Variants in ERBB4 observed in about 807,000 individuals in gnomAD.
The protein encoded by ERBB4 is erb-b2 receptor tyrosine kinase 4.
ERBB4 carries 42 observed loss-of-function variants against 158.0 expected under a neutral mutation model. That is an observed-to-expected ratio of 0.27 (90% CI 0.21 to 0.34). The LOEUF is 0.34. Among genes scored for constraint, ERBB4 ranks in the 10% least tolerant of loss-of-function variants. The probability of loss-of-function intolerance (pLI) is 1.00; values close to 1 mark genes in which losing one functional copy is unlikely to be tolerated. For missense variants in ERBB4, 1,333 were observed against 1,624.1 expected, an observed-to-expected ratio of 0.82 and a Z score of 3.08; for synonymous variants, 583 against 558.7, an observed-to-expected ratio of 1.04 and a Z score of -0.61.
chr2:211,792,338 T>C (rs1471394380), intron 3 of ERBB4, among the ~76,000 whole-genome samples: 2 of 151,646 alleles, frequency 1.3e-5, no homozygotes, highest in Admixed American at 6.6e-5. Flanking sequence ...CAATAAATAT[T>C]TGATTAATTG....
At position 211,658,405 on chromosome 2, in the gene ERBB4, T is replaced by C. The variant is rs574809690; in HGVS notation, c.1872-577A>G. 2.1e-4 allele frequency among the ~76,000 whole-genome samples: 32 copies of C among 152,292 alleles called. No homozygotes were observed. The South Asian group carries it at 6.4e-3, about 31-fold the overall frequency. On this transcript the variant is annotated intron_variant, in intron 15 of 27. Transcript: ENST00000342788. Reference sequence around the variant, plus strand: ...TAAAAAAAAAACAATAAGAAAACCATGAGCAATCCAATATCATATAATAAC... The same window carrying C: ...TAAAAAAAAAACAATAAGAAAACCACGAGCAATCCAATATCATATAATAAC...
chr2:212,124,862 G>A lies in ERBB4; in HGVS notation c.124C>T (p.Leu42=), dbSNP rs745619679. 6.2e-6 allele frequency: 10 copies of A among 1,614,030 alleles called. No homozygotes were observed. The highest frequency in any genetic ancestry group is 2.2e-5 in the East Asian group (1 of 44,894). Residue 42 remains leucine, a synonymous_variant, in exon 2 of 28, where the codon CTG becomes TTG. Coordinates refer to ENST00000342788, the MANE Select transcript of ERBB4 (RefSeq NM_005235.3). ...TENKLSSLSD[L]EQQYRALRKY... is the part of the protein sequence containing the mutation. ...CGCAAGGCTCGGTACTGCTGTTCCA[G>A]GTCAGAGAGAGAGCTCAGTTTATTC...
intron 1 of ERBB4, among the ~76,000 whole-genome samples, chr2:212,378,448 C>T (rs771333928): frequency 6.6e-5 from 10 of 151,816 alleles, no homozygotes; most frequent in Non-Finnish European, 1.5e-4. Flanking sequence ...CAATTATTAA[C>T]AGTGAGAAAT....
At chr2:212,500,071 T>C (rs1427427485) in intron 1 of ERBB4, among the ~76,000 whole-genome samples, 6 of 152,108 alleles carry the variant, frequency 3.9e-5, no homozygotes, top group Admixed American at 2.0e-4. Flanking sequence ...TTTTTTCTCA[T>C]AGAAACGATA....
chr2:211,457,367 C>T (rs535181450), intron 20 of ERBB4, among the ~76,000 whole-genome samples: 6 of 152,312 alleles, frequency 3.9e-5, no homozygotes, highest in Non-Finnish European at 8.8e-5. Context: ...CTCTACTCAT[C>T]TATCTTGCAT....
chr2:211,826,404 A>C (rs2077100179), intron 3 of ERBB4, among the ~76,000 whole-genome samples: 1 of 151,882 alleles, frequency 6.6e-6, no homozygotes. Context: ...TTAAGTAATA[A>C]GTTATGAATC....
intron 14 of ERBB4, among the ~76,000 whole-genome samples, chr2:211,666,469 C>A (rs1352315224): frequency 1.3e-5 from 2 of 151,902 alleles, no homozygotes; most frequent in East Asian, 3.9e-4. Context: ...AAAGTCATGA[C>A]AATATTAAGA....
At chr2:211,936,333 T>C (rs1320010368) in intron 3 of ERBB4, among the ~76,000 whole-genome samples, 1 of 152,058 alleles carries the variant, frequency 6.6e-6, no homozygotes, top group African/African-American at 2.4e-5. Flanking sequence ...CTACTAATAA[T>C]ATAAAATCAA....
intron 1 of ERBB4, among the ~76,000 whole-genome samples, chr2:212,354,885 A>G (rs2089407816): frequency 6.6e-6 from 1 of 151,742 alleles, no homozygotes; most frequent in African/African-American, 2.4e-5. Flanking sequence ...TTTTATTTTC[A>G]GGAGGCCCCT....
chr2:212,379,461 TA>T (rs1232687364), intron 1 of ERBB4, among the ~76,000 whole-genome samples: 1 of 151,576 alleles, frequency 6.6e-6, no homozygotes, highest in Non-Finnish European at 1.5e-5. Context: ...AAGTTATCAA[TA>T]AAAAATATGG....
At chr2:211,680,671 A>G (rs940301407) in intron 12 of ERBB4, among the ~76,000 whole-genome samples, 12 of 152,200 alleles carry the variant, frequency 7.9e-5, no homozygotes, top group African/African-American at 2.7e-4. Context: ...AGCGAAACAA[A>G]TATTCCAATT....
In ERBB4 at chr2:211,957,792, C is replaced by T. The variant is rs72935726; in HGVS notation, c.235-10176G>A. The stretch of plus-strand genomic sequence containing the variant: ...TTCTATTTCTAAAGGAATAACTACA[C>T]ATCACCAAAGTTTAGATGAGAAAAC... On this transcript the variant is annotated intron_variant, in intron 2 of 27. Transcript: ENST00000342788. Among the ~76,000 whole-genome samples, 590 of 152,216 alleles carry T rather than the reference C, an allele frequency of 3.9e-3. 5 individuals carry two copies. The highest frequency in any genetic ancestry group is 6.8e-3 in the Middle Eastern group (2 of 294).
intron 5 of ERBB4, among the ~76,000 whole-genome samples, chr2:211,737,682 C>T (rs1422174871): frequency 1.3e-5 from 2 of 152,070 alleles, no homozygotes; most frequent in Non-Finnish European, 2.9e-5. Flanking sequence ...GAAGCTGTTA[C>T]AAAGATTTTA....
intron 1 of ERBB4, among the ~76,000 whole-genome samples, chr2:212,327,055 A>G (rs546432884): frequency 2.1e-4 from 31 of 150,816 alleles, no homozygotes; most frequent in Non-Finnish European, 4.2e-4. Context: ...GCTCATGGGT[A>G]CACAGTTTCT....
chr2:211,488,428 A>G (rs2065260028), intron 20 of ERBB4, among the ~76,000 whole-genome samples: 1 of 152,106 alleles, frequency 6.6e-6, no homozygotes, highest in South Asian at 2.1e-4. Flanking sequence ...TCATCACTGT[A>G]TTGAGAGTGC....
chr2:211,684,310 G>T (rs1047697116), intron 12 of ERBB4, among the ~76,000 whole-genome samples: 1 of 152,128 alleles, frequency 6.6e-6, no homozygotes, highest in East Asian at 1.9e-4. Flanking sequence ...AATTAGCTGG[G>T]CATGGTGTTG....
intron 1 of ERBB4, among the ~76,000 whole-genome samples, chr2:212,175,381 C>T (rs1367210208): frequency 2.0e-5 from 3 of 151,934 alleles, no homozygotes; most frequent in African/African-American, 7.2e-5. Context: ...TTTCTCTCTG[C>T]TTTCCTTTCT....
intron 3 of ERBB4, among the ~76,000 whole-genome samples, chr2:211,791,889 A>C (rs966388085): frequency 2.6e-5 from 4 of 151,736 alleles, no homozygotes; most frequent in Admixed American, 2.6e-4. Context: ...AGATGTCACG[A>C]ATCTTTTTTT....
At chr2:212,129,093 A>T (rs1349146341) in intron 1 of ERBB4, among the ~76,000 whole-genome samples, 1 of 152,006 alleles carries the variant, frequency 6.6e-6, no homozygotes, top group Non-Finnish European at 1.5e-5. Flanking sequence ...ATTTTAGTAC[A>T]ACCAATTATG....
Sources: allele counts gnomAD v4.1 joint callset (sites outside exome capture counted in the v4.1 genomes callset), GRCh38; gene constraint gnomAD v4.1.1; transcripts MANE v1.5; gene names NCBI Gene and HGNC (gene_info 2026-07-23, HGNC 2026-07-21).